The following NEK6 variants were observed in gnomAD, a reference collection of about 807,000 sequenced individuals.
NEK6 encodes NIMA related kinase 6.
Under a neutral mutation model 43.5 loss-of-function variants are expected in NEK6, and 27 were observed. That is an observed-to-expected ratio of 0.62 (90% CI 0.46 to 0.86). The LOEUF is 0.86. Ranked by LOEUF, NEK6 falls within the 40% of genes least tolerant of loss-of-function variation. The pLI, the probability that NEK6 is intolerant of heterozygous loss-of-function variation, is 0.00. For missense variants in NEK6, 318 were observed against 414.4 expected, an observed-to-expected ratio of 0.77 and a Z score of 2.02; for synonymous variants, 167 against 164.1, an observed-to-expected ratio of 1.02 and a Z score of -0.14.
chr9:124,304,073 C>T (rs769001488), intron 2 of NEK6, among the ~76,000 whole-genome samples: 7 of 152,230 alleles, frequency 4.6e-5, no homozygotes, highest in Non-Finnish European at 1.0e-4. Context: ...CTCTGGGCAG[C>T]GGCTGTCGGG....
chr9:124,319,795 C>T (rs1476282804), intron 4 of NEK6, among the ~76,000 whole-genome samples: 3 of 152,148 alleles, frequency 2.0e-5, no homozygotes, highest in African/African-American at 7.2e-5. Flanking sequence ...TTCCATTGGT[C>T]TATGTATCTA....
At chr9:124,342,008 T>C (rs1170361135) in intron 8 of NEK6, among the ~76,000 whole-genome samples, 1 of 152,044 alleles carries the variant, frequency 6.6e-6, no homozygotes, top group Non-Finnish European at 1.5e-5. Flanking sequence ...CTGGTGTGTG[T>C]CCCCCAGGAG....
intron 5 of NEK6, among the ~76,000 whole-genome samples, chr9:124,322,387 G>A (rs1196450441): frequency 1.3e-5 from 2 of 152,188 alleles, no homozygotes; most frequent in Non-Finnish European, 2.9e-5. Context: ...TGAGTCTGGT[G>A]TCCAGGACCA....
At chr9:124,281,493 T>G (rs111339042) in intron 1 of NEK6, among the ~76,000 whole-genome samples, 1 of 90,970 alleles carries the variant, frequency 1.1e-5, no homozygotes, top group East Asian at 3.1e-4. Flanking sequence ...TTTTCTTTTT[T>G]TTTTTTTTTT....
chr9:124,292,987 A>T, intron 1 of NEK6: 2 of 1,576,000 alleles, frequency 1.3e-6, no homozygotes, highest in East Asian at 2.3e-5. Flanking sequence ...TTCCGGCAGG[A>T]GGAGCAGAGC....
At chr9:124,282,305 C>T (rs762631802) in intron 1 of NEK6, among the ~76,000 whole-genome samples, 5 of 152,172 alleles carry the variant, frequency 3.3e-5, no homozygotes, top group Non-Finnish European at 7.3e-5. Flanking sequence ...CTCCAGTGCT[C>T]GCCTCTGTCG....
At chr9:124,274,486 G>A (rs148467819) in intron 1 of NEK6, among the ~76,000 whole-genome samples, 23 of 152,358 alleles carry the variant, frequency 1.5e-4, no homozygotes, top group African/African-American at 5.5e-4. Context: ...CAGCTCATGA[G>A]CAGTAGCACT....
chr9:124,347,246 G>GCCCAC (rs1045715425), intron 8 of NEK6, among the ~76,000 whole-genome samples: 1 of 152,190 alleles, frequency 6.6e-6, no homozygotes, highest in African/African-American at 2.4e-5. Flanking sequence ...CCCTTCTCCG[G>GCCCAC]CCCACCCCAC....
intron 2 of NEK6, among the ~76,000 whole-genome samples, chr9:124,308,772 G>A (rs1588492053): frequency 6.6e-6 from 1 of 151,408 alleles, no homozygotes; most frequent in South Asian, 2.1e-4. Context: ...CCAGCCCCAC[G>A]CCCGTCTTGC....
rs530617215 is a variant in NEK6 at position 124,343,098 on chromosome 9, T to C, written c.717+3433T>C. 1.2e-3 allele frequency among the ~76,000 whole-genome samples: 181 copies of C among 152,226 alleles called. No homozygotes were observed. Among genetic ancestry groups the C allele is most frequent in the African/African-American group, 4.1e-3 (170 of 41,534 alleles). The stretch of plus-strand genomic sequence containing the variant: ...GAGTCCTCATTTGTGGGCACCTAAA[T>C]GTGCATCTCACAAGGCAGTCCCGCC... On this transcript the variant is annotated intron_variant, in intron 8 of 9. Transcript: ENST00000320246. The surrounding 1 kb of genome is among the most constrained non-coding windows in gnomAD (Gnocchi z 5.1).
chr9:124,257,764 G>A, upstream of NEK6: 8 of 1,501,208 alleles, frequency 5.3e-6, no homozygotes, highest in Non-Finnish European at 7.1e-6. Flanking sequence ...AATGGGGAAG[G>A]GGTTCCTCGG....
At chr9:124,322,344 C>CCCACCCACCTG (rs1276274704) in intron 5 of NEK6, among the ~76,000 whole-genome samples, 13 of 152,204 alleles carry the variant, frequency 8.5e-5, no homozygotes, top group Non-Finnish European at 1.6e-4. Context: ...CCTGCCTCAT[C>CCCACCCACCTG]CCACCACCCA....
At chr9:124,295,398 G>T (rs1832638320) in intron 1 of NEK6, among the ~76,000 whole-genome samples, 1 of 152,208 alleles carries the variant, frequency 6.6e-6, no homozygotes, top group Non-Finnish European at 1.5e-5. Context: ...GGCAACGTCT[G>T]CTTATCCTGA....
At chr9:124,321,429 G>A in intron 4 of NEK6, 30 bp from the exon 5 acceptor site, 1 of 1,462,356 alleles carries the variant, frequency 6.8e-7, no homozygotes. Flanking sequence ...TTCACTTGGT[G>A]CCCCCTTCCC....
At chr9:124,265,562 AT>A (rs1831198458) in intron 1 of NEK6, 1 of 152,076 alleles carries the variant, frequency 6.6e-6, no homozygotes, top group South Asian at 2.1e-4. Context: ...AAAAAAAAAA[AT>A]ACCTCTCCTT....
At chr9:124,266,790 C>T (rs1481711085) in intron 1 of NEK6, among the ~76,000 whole-genome samples, 2 of 152,326 alleles carry the variant, frequency 1.3e-5, no homozygotes, top group East Asian at 1.9e-4. Context: ...ATGGAGTGAA[C>T]GAATCTGTTA....
At chr9:124,317,807 G>A (rs1289429594) in intron 4 of NEK6, among the ~76,000 whole-genome samples, 1 of 152,136 alleles carries the variant, frequency 6.6e-6, no homozygotes, top group Non-Finnish European at 1.5e-5. Context: ...TTTCTCTTAG[G>A]ATAATGGCCT....
rs900593783 is a variant in NEK6, at chr9:124,324,092, C to T, written c.406-2238C>T. Among the ~76,000 whole-genome samples the T allele has an allele frequency of 6.6e-6, 1 of 152,234 alleles. No homozygotes were observed. The highest frequency in any genetic ancestry group is 2.4e-5 in the African/African-American group (1 of 41,460). ...TCCAACCCGGCTCAGGGGCCCTCAC[C>T]TGCAGAGCTGGCTCGGTGCAGCCGC... On this transcript the variant is annotated intron_variant, in intron 5 of 9. Transcript: ENST00000320246. This position sits in a 1 kb window ranked among gnomAD's most constrained non-coding sequence, Gnocchi z 5.3.
chr9:124,315,021 G>A (rs911792336), intron 4 of NEK6, among the ~76,000 whole-genome samples: 2 of 152,374 alleles, frequency 1.3e-5, no homozygotes, highest in East Asian at 1.9e-4. Flanking sequence ...CTGGTGGCAG[G>A]GCTGCCCGCC....
Sources: allele counts gnomAD v4.1 joint callset (sites outside exome capture counted in the v4.1 genomes callset), GRCh38; gene constraint gnomAD v4.1.1; non-coding constraint Gnocchi (gnomAD v3.1); transcripts MANE v1.5; gene names NCBI Gene and HGNC (gene_info 2026-07-23, HGNC 2026-07-21).